The following CFAP44 variants were observed in gnomAD, a reference collection of about 807,000 sequenced individuals.
CFAP44 encodes cilia and flagella associated protein 44, also known as cilia- and flagella-associated protein 44.
A neutral mutation model predicts 216.2 loss-of-function variants in CFAP44; 134 were observed. The ratio of observed to expected loss-of-function variants is 0.62; its 90% CI spans 0.54 to 0.72. CFAP44 has a LOEUF of 0.72. Ranked by LOEUF, CFAP44 falls within the 30% of genes least tolerant of loss-of-function variation. CFAP44 has a pLI of 0.00. For synonymous variants in CFAP44, 700 were observed against 727.6 expected, an observed-to-expected ratio of 0.96 and a Z score of 0.61; for missense variants, 2,035 against 2,182.1, an observed-to-expected ratio of 0.93 and a Z score of 1.34.
intron 28 of CFAP44, among the ~76,000 whole-genome samples, chr3:113,311,073 T>C (rs1315039467): frequency 6.6e-6 from 1 of 152,110 alleles, no homozygotes; most frequent in African/African-American, 2.4e-5. Flanking sequence ...AGAAAACCAA[T>C]AGCTGTCAAC....
rs745582197 is a variant in CFAP44 at position 113,396,584 on chromosome 3, G to A, written c.1713C>T (p.Phe571=). ...LDADIQLKQV[F]KPHTACVTAL... ...CAGTGACACAAGCAGTATGGGGTTTGAAAACCTGTTTCAACTGAATATCAG... is the reference window on the plus strand; with the variant it reads ...CAGTGACACAAGCAGTATGGGGTTTAAAAACCTGTTTCAACTGAATATCAG... Residue 571 remains phenylalanine (F), a synonymous_variant, in exon 14 of 35, where the codon TTC becomes TTT. Coordinates refer to ENST00000393845, the MANE Select transcript of CFAP44 (RefSeq NM_001164496.2). 1 of 1,614,106 alleles carries A rather than the reference G, an allele frequency of 6.2e-7. No homozygotes were observed. Among genetic ancestry groups the A allele is most frequent in the Non-Finnish European group, 8.5e-7 (1 of 1,180,006 alleles).
chr3:113,400,612 A>T lies in CFAP44; in HGVS notation c.1407T>A (p.His469Gln). Reference sequence around the variant, plus strand: ...CAGCCACGGCTTCAATAGCTCCAGAATGGAAGGAGAAGAGGCATTCTGGGT... The same window carrying T: ...CAGCCACGGCTTCAATAGCTCCAGATTGGAAGGAGAAGAGGCATTCTGGGT... ...TQDPECLFSF[H>Q]SGAIEAVAVS... Residue 469 changes from histidine (H) to glutamine (Q), a missense_variant, in exon 12 of 35, where the codon CAT becomes CAA. His to Gln is a conservative substitution (Grantham distance 24). Transcript: ENST00000393845. 1 of 1,611,272 alleles carries T rather than the reference A, an allele frequency of 6.2e-7. No individual in the cohort carries two copies. Among genetic ancestry groups the T allele is most frequent in the Non-Finnish European group, 8.5e-7 (1 of 1,178,632 alleles).
chr3:113,303,474 GCA>G (rs1949957469), intron 32 of CFAP44, among the ~76,000 whole-genome samples: 1 of 152,092 alleles, frequency 6.6e-6, no homozygotes, highest in South Asian at 2.1e-4. Flanking sequence ...ATATCATTTT[GCA>G]CAGTTAAAAA....
chr3:113,318,232 T>C (rs1208993298), intron 28 of CFAP44, among the ~76,000 whole-genome samples: 1 of 152,020 alleles, frequency 6.6e-6, no homozygotes. Flanking sequence ...TTTTTAAACA[T>C]TTTCAGAAAA....
intron 32 of CFAP44, among the ~76,000 whole-genome samples, chr3:113,302,236 G>A (rs1263416992): frequency 6.6e-6 from 1 of 151,918 alleles, no homozygotes; most frequent in Non-Finnish European, 1.5e-5. Context: ...GTGAACATAG[G>A]ACTGCAGATG....
At position 113,401,986 on chromosome 3, in the gene CFAP44, G is replaced by A. The variant is rs1482971243; in HGVS notation, c.1171-247C>T. Reference sequence around the variant, plus strand: ...AAGATTAGTGAGAAAGTACAGCCTTGCATAAGAATTCTAATTTATCCAAAA... The same window carrying A: ...AAGATTAGTGAGAAAGTACAGCCTTACATAAGAATTCTAATTTATCCAAAA... On this transcript the variant is annotated intron_variant, in intron 9 of 34. Coordinates refer to ENST00000393845, the MANE Select transcript of CFAP44 (RefSeq NM_001164496.2). Among the ~76,000 whole-genome samples the A allele has an allele frequency of 3.3e-5, 5 of 152,112 alleles. 1 individual carries two copies. The highest frequency in any genetic ancestry group is 1.5e-5 in the Non-Finnish European group (1 of 68,030).
chr3:113,397,088 A>T (rs984004170), intron 13 of CFAP44: 2 of 204,424 alleles, frequency 9.8e-6, no homozygotes, highest in Non-Finnish European at 2.0e-5. Flanking sequence ...TGAGTGTGAA[A>T]TTGTGAACTG....
intron 28 of CFAP44, among the ~76,000 whole-genome samples, chr3:113,324,146 A>C (rs1559911592): frequency 6.6e-6 from 1 of 152,168 alleles, no homozygotes; most frequent in Non-Finnish European, 1.5e-5. Flanking sequence ...AAATGTTCAA[A>C]TCCAAAAGCT....
intron 2 of CFAP44, among the ~76,000 whole-genome samples, chr3:113,428,147 A>T (rs987846904): frequency 6.6e-6 from 1 of 152,210 alleles, no homozygotes; most frequent in African/African-American, 2.4e-5. Context: ...AGATTCCCCA[A>T]GAGGGGGCCC....
chr3:113,330,791 A>C, intron 25 of CFAP44, 123 bp from the exon 26 acceptor site: 1 of 1,300,888 alleles, frequency 7.7e-7, no homozygotes, highest in Non-Finnish European at 1.0e-6. Context: ...AATTCATCTG[A>C]TCATACCTTT....
chr3:113,367,327 C>A (rs554366076), intron 18 of CFAP44, among the ~76,000 whole-genome samples: 68 of 152,316 alleles, frequency 4.5e-4, no homozygotes, highest in South Asian at 2.1e-3. Context: ...ACACCTCATA[C>A]AGGCGGGTGC....
rs1949865395 is a variant in CFAP44 at position 113,294,825 on chromosome 3, C to T, written c.5239-4G>A. The T allele has an allele frequency of 2.0e-6, 3 of 1,524,882 alleles. No homozygotes were observed. In the South Asian group the frequency reaches 3.7e-5, roughly 19 times the overall value. The allele number at this position is 1,524,882 out of a possible 1,614,324, so 94.5% of individuals were successfully genotyped here. On this transcript the variant is annotated splice_polypyrimidine_tract_variant and splice_region_variant and intron_variant, in intron 33 of 34. Coordinates refer to ENST00000393845, the MANE Select transcript of CFAP44 (RefSeq NM_001164496.2). Reference sequence around the variant, plus strand: ...ATCGCATTTGAGCAATCTTTTCCTACCAGGGTGGGAAGATGCAAAATAGAT... The same window carrying T: ...ATCGCATTTGAGCAATCTTTTCCTATCAGGGTGGGAAGATGCAAAATAGAT...
chr3:113,380,299 C>A (rs944987400), intron 16 of CFAP44, among the ~76,000 whole-genome samples: 5 of 152,174 alleles, frequency 3.3e-5, no homozygotes, highest in Non-Finnish European at 7.4e-5. Context: ...TTGCAACATC[C>A]TTCAACAAAT....
chr3:113,320,441 T>TAC (rs1380903731), intron 28 of CFAP44, among the ~76,000 whole-genome samples: 3 of 112,534 alleles, frequency 2.7e-5, no homozygotes, highest in Non-Finnish European at 6.2e-5. Flanking sequence ...TATTGATATA[T>TAC]ATGATATATA....
intron 18 of CFAP44, 99 bp from the exon 19 acceptor site, chr3:113,366,408 T>C: frequency 7.0e-7 from 1 of 1,420,900 alleles, no homozygotes; most frequent in Non-Finnish European, 9.5e-7. Context: ...ACAAAGTTGT[T>C]ATGGACTGAA....
rs761359904 is a variant in CFAP44, at chr3:113,330,639, C to T, written c.3645G>A (p.Lys1215=). 4.2e-5 allele frequency: 64 copies of T among 1,535,314 alleles called. No homozygotes were observed. Among genetic ancestry groups the T allele is most frequent in the Non-Finnish European group, 5.4e-5 (62 of 1,146,338 alleles). Residue 1215 remains lysine (K), a synonymous_variant, in exon 26 of 35, where the codon AAG becomes AAA. Transcript: ENST00000393845. ...TAAGGTCTCTAAGAGAGAGAATGCA[C>T]TTGTTCATGTGCCTTTTATTTCCAT... ...LVHGNKRHMN[K]CILSLRDLKV...
chr3:113,328,036 C>T (rs367658461), intron 26 of CFAP44, among the ~76,000 whole-genome samples: 2 of 151,960 alleles, frequency 1.3e-5, no homozygotes, highest in African/African-American at 4.8e-5. Context: ...ACTAGAAGTC[C>T]TTCCACCTAT....
At chr3:113,406,630 A>C (rs1206644908) in intron 8 of CFAP44, among the ~76,000 whole-genome samples, 3 of 152,120 alleles carry the variant, frequency 2.0e-5, no homozygotes, top group Non-Finnish European at 4.4e-5. Context: ...TCTCAAAAAA[A>C]AAAAAAAAGT....
chr3:113,384,518 AG>A (rs750643275), intron 15 of CFAP44, among the ~76,000 whole-genome samples: 5 of 152,332 alleles, frequency 3.3e-5, no homozygotes, highest in African/African-American at 7.2e-5. Context: ...AAGTTAAAAC[AG>A]GGTTGTTAGG....
Sources: allele counts gnomAD v4.1 joint callset (sites outside exome capture counted in the v4.1 genomes callset), GRCh38; gene constraint gnomAD v4.1.1; transcripts MANE v1.5; gene names NCBI Gene and HGNC (gene_info 2026-07-23, HGNC 2026-07-21).